ERAP2: variants seen among roughly 807,000 people sequenced by gnomAD.
ERAP2 encodes leukocyte-derived arginine aminopeptidase.
Under a neutral mutation model 111.1 loss-of-function variants are expected in ERAP2, and 118 were observed. The observed-to-expected ratio is 1.06, with a 90% CI of 0.92 to 1.24. ERAP2 has a LOEUF of 1.24. ERAP2 is among the 50% of genes most tolerant of loss of function. ERAP2 has a pLI of 0.00. For missense variants in ERAP2, 1,131 were observed against 1,125.8 expected, an observed-to-expected ratio of 1.00 and a Z score of -0.07; for synonymous variants, 410 against 401.2, an observed-to-expected ratio of 1.02 and a Z score of -0.26.
chr5:96,905,325 A>AT (rs1056862664), intron 13 of ERAP2, among the ~76,000 whole-genome samples: 11 of 152,322 alleles, frequency 7.2e-5, no homozygotes, highest in African/African-American at 2.6e-4. Context: ...ACCTGAAGGA[A>AT]TTATTTCAAA....
At chr5:96,886,507 T>C in intron 3 of ERAP2, 148 bp from the exon 4 acceptor site, 1 of 484,286 alleles carries the variant, frequency 2.1e-6, no homozygotes. Context: ...GGCTACAGAA[T>C]ACTAGGAGAG....
chr5:96,905,092 A>C (rs1785903570), intron 13 of ERAP2, among the ~76,000 whole-genome samples: 2 of 152,222 alleles, frequency 1.3e-5, no homozygotes. Flanking sequence ...ATAAAGCAGT[A>C]AGTGCAGTAC....
chr5:96,888,353 C>T (rs1783980751), intron 4 of ERAP2, among the ~76,000 whole-genome samples: 2 of 152,128 alleles, frequency 1.3e-5, no homozygotes, highest in African/African-American at 4.8e-5. Context: ...CTGTCAGCCT[C>T]TTTGGATTCA....
At chr5:96,900,435 T>C (rs948179317) in intron 10 of ERAP2, among the ~76,000 whole-genome samples, 1 of 152,170 alleles carries the variant, frequency 6.6e-6, no homozygotes, top group Admixed American at 6.5e-5. Flanking sequence ...GCTAAAAATA[T>C]CTCAGCGCAA....
Position 96,901,533 on chromosome 5 carries a change from G to A in ERAP2, c.1600G>A (p.Val534Ile), listed in dbSNP as rs765738410. The change falls in exon 11 of 19, where the codon GTC becomes ATC. Residue 534 changes from valine to isoleucine, a missense_variant. Val to Ile is a conservative substitution (Grantham distance 29). Transcript: ENST00000437043. ...MLAFLGENAEVKEMMTTWTLQ... is the reference protein window; with the variant it reads ...MLAFLGENAEIKEMMTTWTLQ... ...CGCCTTTCTGGGGGAAAATGCAGAG[G>A]TCAAAGAGATGATGACTACATGGAC... 5 of 1,613,982 alleles carry A rather than the reference G, an allele frequency of 3.1e-6. 1 individual carries two copies. In the South Asian group the frequency reaches 5.5e-5, roughly 18 times the overall value.
rs370566191 is a variant in ERAP2 at position 96,912,112 on chromosome 5, C to T, written c.2355-525C>T. Among the ~76,000 whole-genome samples, 85 of 149,318 alleles carry T rather than the reference C, an allele frequency of 5.7e-4. 1 individual carries two copies. The highest frequency in any genetic ancestry group is 2.0e-3 in the African/African-American group (81 of 40,706). ...GGCTGAGGCAGGAGAATGGTGTGAA[C>T]CCCGGGGGGCGGAGCCTGCAGTGAG... On this transcript the variant is annotated intron_variant, in intron 15 of 18. Coordinates refer to ENST00000437043, the MANE Select transcript of ERAP2 (RefSeq NM_022350.5).
intron 4 of ERAP2, among the ~76,000 whole-genome samples, chr5:96,887,974 A>T (rs997483796): frequency 6.6e-6 from 1 of 151,828 alleles, no homozygotes; most frequent in African/African-American, 2.4e-5. Context: ...AAAATACAAA[A>T]ATTAGCCAGG....
intron 12 of ERAP2, among the ~76,000 whole-genome samples, chr5:96,902,975 T>C (rs1468286734): frequency 6.6e-6 from 1 of 152,204 alleles, no homozygotes; most frequent in Non-Finnish European, 1.5e-5. Flanking sequence ...AGTCCTTCTT[T>C]ACTAAAATGA....
chr5:96,917,414 C>A (rs1173340982), intron 18 of ERAP2, 48 bp from the exon 19 acceptor site: 2 of 1,564,330 alleles, frequency 1.3e-6, no homozygotes. Flanking sequence ...AACCACCACA[C>A]TCGGCCAAGA....
intron 6 of ERAP2, among the ~76,000 whole-genome samples, chr5:96,892,700 C>A (rs949898426): frequency 1.3e-4 from 20 of 152,124 alleles, no homozygotes; most frequent in Admixed American, 7.9e-4. Context: ...GCAAAGCCTT[C>A]AAATGTCATT....
chr5:96,892,156 C>T, intron 5 of ERAP2, 143 bp from the exon 6 acceptor site: 2 of 749,762 alleles, frequency 2.7e-6, no homozygotes, highest in Non-Finnish European at 4.3e-6. Context: ...ATAAGACACC[C>T]TGTCAATGTT....
chr5:96,900,099 C>G (rs1304611125), intron 9 of ERAP2, 22 bp from the exon 10 acceptor site: 5 of 1,613,454 alleles, frequency 3.1e-6, no homozygotes, highest in Non-Finnish European at 3.4e-6. Flanking sequence ...CATTGCAGTG[C>G]TCTTTTGTTC....
At chr5:96,889,832 AC>A (rs1784147771) in intron 5 of ERAP2, among the ~76,000 whole-genome samples, 3 of 15,914 alleles carry the variant, frequency 1.9e-4, no homozygotes, top group Non-Finnish European at 3.1e-4. Context: ...AAAAATACAT[AC>A]ACACACACAC....
At position 96,883,781 on chromosome 5, in the gene ERAP2, T is replaced by C; in HGVS notation, c.576-11T>C. 6.2e-7 allele frequency: 1 copy of C among 1,608,274 alleles called. No individual in the cohort carries two copies. Among genetic ancestry groups the C allele is most frequent in the Non-Finnish European group, 8.5e-7 (1 of 1,177,834 alleles). On this transcript the variant is annotated splice_polypyrimidine_tract_variant and intron_variant, in intron 2 of 18. Coordinates refer to ENST00000437043, the MANE Select transcript of ERAP2 (RefSeq NM_022350.5). Reference sequence around the variant, plus strand: ...CTTGTGCATTTTGGCTGGGGGTGGGTCTTTTCACAGAATTCTTGCAGTAAC... The same window carrying C: ...CTTGTGCATTTTGGCTGGGGGTGGGCCTTTTCACAGAATTCTTGCAGTAAC...
rs1786949096 is a variant in ERAP2 at position 96,912,812 on chromosome 5, T to C, written c.2516+14T>C. On this transcript the variant is annotated intron_variant, in intron 16 of 18. Coordinates refer to ENST00000437043, the MANE Select transcript of ERAP2 (RefSeq NM_022350.5). ...AAAGTTACTGAAGTAAGTTCAATAA[T>C]TTAACTAAATTGTTATAAGTAAACT... 3 of 1,579,666 alleles carry C rather than the reference T, an allele frequency of 1.9e-6. No individual in the cohort carries two copies. Among genetic ancestry groups the C allele is most frequent in the Non-Finnish European group, 1.7e-6 (2 of 1,169,112 alleles).
chr5:96,887,292 GTTGTTTCCGACTT>G (rs914124489), intron 4 of ERAP2, among the ~76,000 whole-genome samples: 14 of 140,382 alleles, frequency 1.0e-4, no homozygotes, highest in African/African-American at 3.7e-4. Context: ...GGGCATGTAT[GTTGTTTCCGACTT>G]TTTTTTTTTT....
Position 96,917,470 on chromosome 5 carries a change from A to G in ERAP2, c.2748A>G (p.Leu916=), listed in dbSNP as rs747268514. 3.1e-6 allele frequency: 5 copies of G among 1,610,654 alleles called. No individual in the cohort carries two copies. Among genetic ancestry groups the G allele is most frequent in the African/African-American group, 2.7e-5 (2 of 74,738 alleles). ...SSKDKLQEVK[L]FFESLEAQGS... ...TCTTCAATATTTTACAGGTGAAACTATTTTTTGAATCTCTTGAGGCTCAAG... is the reference window on the plus strand; with the variant it reads ...TCTTCAATATTTTACAGGTGAAACTGTTTTTTGAATCTCTTGAGGCTCAAG... The change falls in exon 19 of 19, where the codon CTA becomes CTG. Residue 916 remains leucine (L), a synonymous_variant. Coordinates refer to ENST00000437043, the MANE Select transcript of ERAP2 (RefSeq NM_022350.5).
At chr5:96,877,171 C>T (rs1318657506) in intron 1 of ERAP2, among the ~76,000 whole-genome samples, 1 of 152,132 alleles carries the variant, frequency 6.6e-6, no homozygotes, top group East Asian at 1.9e-4. Flanking sequence ...GGTAGGGTTT[C>T]ACCATGTTGG....
intron 15 of ERAP2, among the ~76,000 whole-genome samples, chr5:96,910,527 A>G (rs567681900): frequency 6.6e-6 from 1 of 152,058 alleles, no homozygotes; most frequent in South Asian, 2.1e-4. Context: ...AATGGGTTGT[A>G]TGAGTGAAGC....
Sources: gnomAD v4.1 joint callset for allele counts (sites outside exome capture counted in the v4.1 genomes callset) on GRCh38, gnomAD v4.1.1 for gene constraint, MANE v1.5 for transcripts, NCBI Gene and HGNC (gene_info 2026-07-23, HGNC 2026-07-21) for gene names.